The following UBASH3B variants were observed in gnomAD, a reference collection of about 807,000 sequenced individuals.
UBASH3B encodes the protein ubiquitin associated and SH3 domain containing B, also known as ubiquitin-associated and SH3 domain-containing protein B.
A neutral mutation model predicts 83.4 loss-of-function variants in UBASH3B; 37 were observed. The ratio of observed to expected loss-of-function variants is 0.44; its 90% confidence interval spans 0.34 to 0.58. The LOEUF (loss-of-function observed/expected upper bound fraction) is 0.58. UBASH3B is among the 20% of genes least tolerant of loss of function. UBASH3B has a pLI of 0.01. For synonymous variants in UBASH3B, 304 were observed against 318.3 expected (o/e 0.96, Z 0.48); for missense variants, 657 against 827.2 (o/e 0.79, Z 2.52).
At chr11:122,744,898 T>TGTGCGC (rs1293701124) in intron 1 of UBASH3B, among the ~76,000 whole-genome samples, 5 of 107,802 alleles carry the variant, frequency 4.6e-5, no homozygotes, top group African/African-American at 1.5e-4. Context: ...TGTGTGTGTG[T>TGTGCGC]GCGCGCGCGC....
chr11:122,658,787 G>A (rs1178700778), intron 1 of UBASH3B, among the ~76,000 whole-genome samples: 1 of 152,224 alleles, frequency 6.6e-6, no homozygotes, highest in East Asian at 1.9e-4. Context: ...GTGAGCAATC[G>A]TGAAGTGTTA....
chr11:122,690,931 C>T (rs141558631), intron 1 of UBASH3B, among the ~76,000 whole-genome samples: 212 of 152,314 alleles, frequency 1.4e-3, no homozygotes, highest in Middle Eastern at 0.014. Context: ...GCCCGATCTT[C>T]TCACTTCTGC....
chr11:122,678,027 G>A (rs762160346), intron 1 of UBASH3B, among the ~76,000 whole-genome samples: 24 of 152,364 alleles, frequency 1.6e-4, no homozygotes, highest in Non-Finnish European at 2.5e-4. Flanking sequence ...CTGACCTCAG[G>A]TGATGTGCCT....
chr11:122,801,510 C>G (rs1278854487), intron 11 of UBASH3B, among the ~76,000 whole-genome samples, 178 bp downstream of exon 11: 1 of 152,150 alleles, frequency 6.6e-6, no homozygotes, highest in Non-Finnish European at 1.5e-5. Flanking sequence ...GCATTTTTTT[C>G]ATATTTGGCA....
At chr11:122,801,554 G>T (rs1473171254) in intron 11 of UBASH3B, among the ~76,000 whole-genome samples, 1 of 152,134 alleles carries the variant, frequency 6.6e-6, no homozygotes, top group African/African-American at 2.4e-5. Context: ...CCTCACCCCC[G>T]TGTTGGATTT....
intron 1 of UBASH3B, among the ~76,000 whole-genome samples, chr11:122,743,196 T>G (rs1861055014): frequency 1.3e-5 from 2 of 152,098 alleles, no homozygotes; most frequent in Admixed American, 1.3e-4. Context: ...TCTGGGACCC[T>G]GGAACAAGTG....
chr11:122,701,311 G>C (rs1864037576), intron 1 of UBASH3B, among the ~76,000 whole-genome samples: 1 of 152,106 alleles, frequency 6.6e-6, no homozygotes, highest in South Asian at 2.1e-4. Context: ...AATCCCCCAG[G>C]GTAATTAATA....
intron 1 of UBASH3B, among the ~76,000 whole-genome samples, chr11:122,705,766 G>T (rs889873271): frequency 2.6e-5 from 4 of 152,204 alleles, no homozygotes; most frequent in Non-Finnish European, 5.9e-5. Flanking sequence ...AGGCTGGGGG[G>T]CTTTGAGAGT....
At chr11:122,668,789 C>A (rs1244256628) in intron 1 of UBASH3B, among the ~76,000 whole-genome samples, 1 of 152,178 alleles carries the variant, frequency 6.6e-6, no homozygotes, top group Non-Finnish European at 1.5e-5. Flanking sequence ...TTGTTACCAA[C>A]AATTGGGTCC....
intron 1 of UBASH3B, among the ~76,000 whole-genome samples, chr11:122,669,990 A>G (rs1863572288): frequency 6.6e-6 from 1 of 152,170 alleles, no homozygotes; most frequent in Non-Finnish European, 1.5e-5. Flanking sequence ...GATCTAAATA[A>G]ATGATATGAA....
At chr11:122,688,720 C>A (rs1044899543) in intron 1 of UBASH3B, among the ~76,000 whole-genome samples, 3 of 151,712 alleles carry the variant, frequency 2.0e-5, no homozygotes, top group African/African-American at 7.3e-5. Context: ...TCTCGGCTCA[C>A]TGCAAGCTCC....
At chr11:122,707,142 A>T (rs1864130442) in intron 1 of UBASH3B, among the ~76,000 whole-genome samples, 1 of 152,196 alleles carries the variant, frequency 6.6e-6, no homozygotes, top group Non-Finnish European at 1.5e-5. Context: ...TTAAATCCAC[A>T]CAATCCACCC....
At chr11:122,684,591 C>T (rs776937163) in intron 1 of UBASH3B, among the ~76,000 whole-genome samples, 6 of 152,030 alleles carry the variant, frequency 3.9e-5, no homozygotes, top group Non-Finnish European at 8.8e-5. Flanking sequence ...GAACTCAAAG[C>T]GATGCAGGTT....
intron 1 of UBASH3B, chr11:122,773,882 AAAG>A: frequency 1.4e-6 from 1 of 739,170 alleles, no homozygotes; most frequent in Non-Finnish European, 1.7e-6. Context: ...GTGTAGAAAA[AAAG>A]AAATTGAATT....
In UBASH3B at chr11:122,667,363, T is replaced by C. The variant is rs187424139; in HGVS notation, c.161+11153T>C. Among the ~76,000 whole-genome samples the C allele has an allele frequency of 1.2e-3, 177 of 152,288 alleles. 1 individual carries two copies. Among genetic ancestry groups the C allele is most frequent in the Non-Finnish European group, 1.1e-3 (74 of 68,034 alleles). ...GCCCAGTCCATTCTTTCTCTCTCTCTGTATATGTATGTATATACTGTACAG... is the reference window on the plus strand; with the variant it reads ...GCCCAGTCCATTCTTTCTCTCTCTCCGTATATGTATGTATATACTGTACAG... On this transcript the variant is annotated intron_variant, in intron 1 of 13. Transcript: ENST00000284273.
chr11:122,683,608 A>ATAATAGT (rs58490731), intron 1 of UBASH3B, among the ~76,000 whole-genome samples: 3 of 148,042 alleles, frequency 2.0e-5, no homozygotes, highest in Non-Finnish European at 3.0e-5. Context: ...CCTTCTCAAA[A>ATAATAGT]AAAAAAAAAA....
intron 1 of UBASH3B, 149 bp downstream of exon 1, chr11:122,656,359 G>A: frequency 1.2e-6 from 1 of 809,118 alleles, no homozygotes; most frequent in Non-Finnish European, 1.7e-6. Flanking sequence ...GGGCGCGCTG[G>A]CAACCCGGGA....
At chr11:122,718,734 T>C (rs1465647086) in intron 1 of UBASH3B, among the ~76,000 whole-genome samples, 2 of 152,228 alleles carry the variant, frequency 1.3e-5, no homozygotes, top group Admixed American at 1.3e-4. Flanking sequence ...TCATAGCGCA[T>C]GTGTGTGTTT....
chr11:122,745,286 G>A (rs140527737), intron 1 of UBASH3B, among the ~76,000 whole-genome samples: 1,616 of 152,330 alleles, frequency 0.011, 12 homozygotes, highest in Non-Finnish European at 0.017. Context: ...CAGGCAGCAC[G>A]TCTAGTCCAT....
Sources: allele counts gnomAD v4.1 joint callset (sites outside exome capture counted in the v4.1 genomes callset), GRCh38; gene constraint gnomAD v4.1.1; transcripts MANE v1.5; gene names NCBI Gene and HGNC (gene_info 2026-07-23, HGNC 2026-07-21).